ZNG1B: variants seen among roughly 807,000 people sequenced by gnomAD.
ZNG1B encodes Zn regulated GTPase metalloprotein activator 1B, also known as zinc-regulated GTPase metalloprotein activator 1B.
the ZNG1B span, among the ~76,000 whole-genome samples, chr2:113,464,070 A>G: frequency 7.0e-6 from 1 of 143,542 alleles, no homozygotes; most frequent in Non-Finnish European, 1.5e-5. Flanking sequence ...ATATCCTTAT[A>G]GAGACCTAAG....
chr2:113,467,075 AAAAC>A, the ZNG1B span, among the ~76,000 whole-genome samples: 15 of 149,894 alleles, frequency 1.0e-4, no homozygotes, highest in East Asian at 5.8e-4. Flanking sequence ...AAAAAAAAAA[AAAAC>A]AAACAAAAAA....
the ZNG1B span, among the ~76,000 whole-genome samples, chr2:113,454,401 AT>A: frequency 6.6e-6 from 1 of 151,698 alleles, no homozygotes; most frequent in Non-Finnish European, 1.5e-5. Flanking sequence ...TACTTATCAC[AT>A]TTGACTATGT....
chr2:113,439,212 C>T, the ZNG1B span: 1 of 1,408,486 alleles, frequency 7.1e-7, no homozygotes, highest in Non-Finnish European at 9.7e-7. Flanking sequence ...TAGTTTCACT[C>T]CTATCCCTGA....
the ZNG1B span, among the ~76,000 whole-genome samples, chr2:113,452,274 G>T: frequency 6.6e-6 from 1 of 152,034 alleles, no homozygotes; most frequent in Non-Finnish European, 1.5e-5. Context: ...CAGCTGACAG[G>T]TATTTCATTG....
chr2:113,445,479 C>G, the ZNG1B span: 2 of 177,952 alleles, frequency 1.1e-5, no homozygotes, highest in African/African-American at 4.9e-5. Context: ...TTGCCTATAA[C>G]CTATGCACAT....
chr2:113,465,845 A>G, the ZNG1B span: 2 of 976,192 alleles, frequency 2.0e-6, no homozygotes, highest in East Asian at 1.2e-4. Flanking sequence ...CTGGCAGTCT[A>G]GTTCCACTCA....
the ZNG1B span, among the ~76,000 whole-genome samples, chr2:113,465,424 GGAA>G: frequency 6.6e-6 from 1 of 152,012 alleles, no homozygotes; most frequent in African/African-American, 2.4e-5. Flanking sequence ...TGCTTACTGA[GGAA>G]GAAAAGACTT....
At chr2:113,475,375 A>G in the ZNG1B span, among the ~76,000 whole-genome samples, 2 of 151,812 alleles carry the variant, frequency 1.3e-5, no homozygotes, top group Non-Finnish European at 2.9e-5. Flanking sequence ...TTTTGAGCCT[A>G]TGTGTGTCTC....
At chr2:113,477,430 G>T in the ZNG1B span, among the ~76,000 whole-genome samples, 1 of 152,220 alleles carries the variant, frequency 6.6e-6, no homozygotes, top group African/African-American at 2.4e-5. Flanking sequence ...GCACTCCCTA[G>T]TGAGATGAAC....
chr2:113,472,557 G>A, the ZNG1B span, among the ~76,000 whole-genome samples: 11 of 152,008 alleles, frequency 7.2e-5, no homozygotes, highest in Non-Finnish European at 5.9e-5. Context: ...TGAAGTCCTT[G>A]CCCATGCCTA....
the ZNG1B span, among the ~76,000 whole-genome samples, chr2:113,464,929 A>G: frequency 2.0e-5 from 3 of 152,136 alleles, no homozygotes; most frequent in Admixed American, 6.5e-5. Context: ...TGAGTGGAAT[A>G]TATGTGATTT....
At chr2:113,488,467 C>G in the ZNG1B span, among the ~76,000 whole-genome samples, 5 of 151,972 alleles carry the variant, frequency 3.3e-5, no homozygotes, top group Non-Finnish European at 4.4e-5. Context: ...TTCTTTAACA[C>G]CCCCCAAAAA....
At chr2:113,456,296 G>A in the ZNG1B span, among the ~76,000 whole-genome samples, 1 of 152,100 alleles carries the variant, frequency 6.6e-6, no homozygotes, top group Non-Finnish European at 1.5e-5. Flanking sequence ...AATGACTGTT[G>A]AAAATCATAT....
At chr2:113,467,073 A>AAAC in the ZNG1B span, among the ~76,000 whole-genome samples, 1 of 149,834 alleles carries the variant, frequency 6.7e-6, no homozygotes, top group African/African-American at 2.5e-5. Flanking sequence ...CAAAAAAAAA[A>AAAC]AAAAACAAAC....
chr2:113,453,343 C>T, the ZNG1B span: 2 of 1,283,844 alleles, frequency 1.6e-6, no homozygotes, highest in Non-Finnish European at 2.2e-6. Context: ...ACCTTTACCT[C>T]CTGGGTTCAA....
At chr2:113,473,682 AG>A in the ZNG1B span, among the ~76,000 whole-genome samples, 1 of 147,008 alleles carries the variant, frequency 6.8e-6, no homozygotes, top group African/African-American at 2.6e-5. Context: ...ATTTATTGAG[AG>A]TTTTTAGCAT....
the ZNG1B span, among the ~76,000 whole-genome samples, chr2:113,477,491 C>T: frequency 1.3e-5 from 2 of 150,044 alleles, no homozygotes; most frequent in Admixed American, 6.7e-5. Flanking sequence ...GCGTCTCTCA[C>T]GCTGGGAGCT....
At chr2:113,477,363 C>T in the ZNG1B span, among the ~76,000 whole-genome samples, 33,288 of 151,858 alleles carry the variant, frequency 0.22, 3,837 homozygotes, top group East Asian at 0.52. Flanking sequence ...GGCAATGCCT[C>T]GCCCTGCTTC....
chr2:113,460,841 T>G, the ZNG1B span: 1 of 1,485,680 alleles, frequency 6.7e-7, no homozygotes, highest in South Asian at 1.2e-5. Flanking sequence ...TATTTTCTTT[T>G]TTTCCCTTAG....
Sources: allele counts gnomAD v4.1 joint callset (sites outside exome capture counted in the v4.1 genomes callset), GRCh38; gene constraint gnomAD v4.1.1; transcripts MANE v1.5; gene names NCBI Gene and HGNC (gene_info 2026-07-23, HGNC 2026-07-21).